PRSS3: variants seen among roughly 807,000 people sequenced by gnomAD.
PRSS3 encodes the protein trypsin-3.
Under a neutral mutation model 20.8 loss-of-function variants are expected in PRSS3, and 14 were observed. The observed-to-expected ratio is 0.67, with a 90% CI of 0.44 to 1.05. The LOEUF is 1.05. Among genes scored for constraint, PRSS3 ranks in the 50% least tolerant of loss-of-function variants. The pLI is 0.00. For synonymous variants in PRSS3, 91 were observed against 117.6 expected (o/e 0.77, Z 1.46); for missense variants, 237 against 306.4 (o/e 0.77, Z 1.69).
intron 1 of PRSS3, among the ~76,000 whole-genome samples, chr9:33,753,450 T>C (rs1263189996): frequency 6.6e-6 from 1 of 152,224 alleles, no homozygotes; most frequent in African/African-American, 2.4e-5. Flanking sequence ...AGATTATTGC[T>C]CCTTCTGTCA....
At chr9:33,757,892 G>A (rs964580445) in intron 1 of PRSS3, among the ~76,000 whole-genome samples, 1 of 152,120 alleles carries the variant, frequency 6.6e-6, no homozygotes, top group African/African-American at 2.4e-5. Context: ...GTATGGAATA[G>A]CTATAAGAAA....
intron 1 of PRSS3, among the ~76,000 whole-genome samples, chr9:33,767,919 G>A (rs1823511220): frequency 6.6e-6 from 1 of 152,168 alleles, no homozygotes; most frequent in South Asian, 2.1e-4. Flanking sequence ...CAGGAGAGAG[G>A]CCTCAGAAGA....
chr9:33,761,104 TGGCACTTAACGACA>T (rs1391064813), intron 1 of PRSS3, among the ~76,000 whole-genome samples: 6 of 152,226 alleles, frequency 3.9e-5, no homozygotes, highest in Admixed American at 6.5e-5. Flanking sequence ...TATTGTCATG[TGGCACTTAACGACA>T]GGGACATGTT....
chr9:33,761,811 G>T (rs150838775), intron 1 of PRSS3, among the ~76,000 whole-genome samples: 1 of 152,126 alleles, frequency 6.6e-6, no homozygotes, highest in African/African-American at 2.4e-5. Flanking sequence ...CCCTGGGGAC[G>T]GAGGTTGCAG....
chr9:33,785,824 T>A (rs1383089465), intron 1 of PRSS3: 1 of 152,442 alleles, frequency 6.6e-6, no homozygotes, highest in South Asian at 2.1e-4. Context: ...GGGACAACCA[T>A]GAAGACCCAG....
At chr9:33,764,433 T>A (rs1219184146) in intron 1 of PRSS3, among the ~76,000 whole-genome samples, 1 of 152,176 alleles carries the variant, frequency 6.6e-6, no homozygotes, top group East Asian at 1.9e-4. Flanking sequence ...CTCAGGAGGC[T>A]GAGGCGGGAG....
At chr9:33,785,253 C>T (rs1824350659) in intron 1 of PRSS3, among the ~76,000 whole-genome samples, 1 of 138,612 alleles carries the variant, frequency 7.2e-6, no homozygotes, top group Admixed American at 7.7e-5. Flanking sequence ...TCTTGGCTCA[C>T]TGCAAGCTCC....
At chr9:33,780,006 CA>C (rs879434104) in intron 1 of PRSS3, among the ~76,000 whole-genome samples, 1 of 147,252 alleles carries the variant, frequency 6.8e-6, no homozygotes, top group Non-Finnish European at 1.5e-5. Context: ...TGAAAAACAC[CA>C]AAAAAATTGC....
intron 1 of PRSS3, among the ~76,000 whole-genome samples, chr9:33,772,443 C>T (rs1823750484): frequency 6.6e-6 from 1 of 152,122 alleles, no homozygotes; most frequent in African/African-American, 2.4e-5. Flanking sequence ...CCACCAGTCC[C>T]CGTTGTGAGC....
At chr9:33,779,867 TAAAAAAAAAAAAA>T (rs35501160) in intron 1 of PRSS3, among the ~76,000 whole-genome samples, 1 of 31,822 alleles carries the variant, frequency 3.1e-5, no homozygotes, top group Non-Finnish European at 4.9e-5. Context: ...AGACTCTGTC[TAAAAAAAAAAAAA>T]AAAAAAAAAA....
At chr9:33,783,318 A>G (rs1824254940) in intron 1 of PRSS3, among the ~76,000 whole-genome samples, 1 of 152,234 alleles carries the variant, frequency 6.6e-6, no homozygotes, top group African/African-American at 2.4e-5. Flanking sequence ...ACAGTATTCA[A>G]GATTTGTGCA....
At chr9:33,758,207 C>A (rs1823039513) in intron 1 of PRSS3, among the ~76,000 whole-genome samples, 1 of 152,160 alleles carries the variant, frequency 6.6e-6, no homozygotes, top group African/African-American at 2.4e-5. Context: ...TACAATCTGG[C>A]ATATTTTATA....
chr9:33,793,967 CA>C, upstream of PRSS3, among the ~76,000 whole-genome samples: 1 of 152,258 alleles, frequency 6.6e-6, no homozygotes, highest in East Asian at 1.9e-4. Flanking sequence ...ATGAGCCCAT[CA>C]GTGATTAGAG....
At chr9:33,762,639 A>G (rs1823254530) in intron 1 of PRSS3, among the ~76,000 whole-genome samples, 1 of 152,226 alleles carries the variant, frequency 6.6e-6, no homozygotes, top group Admixed American at 6.5e-5. Context: ...GATGAAAATA[A>G]TATTCTGTGA....
chr9:33,797,260 G>C (rs956529407), intron 2 of PRSS3, among the ~76,000 whole-genome samples: 2 of 120,216 alleles, frequency 1.7e-5, no homozygotes, highest in Non-Finnish European at 3.8e-5. Context: ...CTGAGTATGC[G>C]TCAAAACCAC....
chr9:33,794,487 C>T (rs117093528), upstream of PRSS3, among the ~76,000 whole-genome samples: 1,069 of 152,298 alleles, frequency 7.0e-3, 11 homozygotes, highest in Non-Finnish European at 0.01. Context: ...TGGGAAGATT[C>T]ACTTGATACT....
intron 1 of PRSS3, among the ~76,000 whole-genome samples, chr9:33,770,391 A>C (rs1203268858): frequency 7.9e-5 from 12 of 152,052 alleles, no homozygotes. Context: ...TACTTACATG[A>C]GATTTTGGAC....
intron 1 of PRSS3, among the ~76,000 whole-genome samples, chr9:33,768,442 C>T (rs375603397): frequency 6.6e-6 from 1 of 150,534 alleles, no homozygotes; most frequent in African/African-American, 2.4e-5. Flanking sequence ...ATAGCACCAC[C>T]GCAGCACTCC....
At chr9:33,798,339 A>T in intron 3 of PRSS3, 147 bp from the exon 4 acceptor site, 1 of 1,358,052 alleles carries the variant, frequency 7.4e-7, no homozygotes, top group Admixed American at 1.9e-5. Context: ...TCTGGAAACT[A>T]AAAGCCAGAG....
Sources: gnomAD v4.1 joint callset for allele counts (sites outside exome capture counted in the v4.1 genomes callset) on GRCh38, gnomAD v4.1.1 for gene constraint, MANE v1.5 for transcripts, NCBI Gene and HGNC (gene_info 2026-07-23, HGNC 2026-07-21) for gene names.